DLEU7: variants seen among roughly 807,000 people sequenced by gnomAD.
DLEU7 encodes deleted in lymphocytic leukemia 7, also known as leukemia-associated protein 7.
A neutral mutation model predicts 16.0 loss-of-function variants in DLEU7; 17 were observed. The ratio of observed to expected loss-of-function variants is 1.06; its 90% CI spans 0.73 to 1.59. The LOEUF (loss-of-function observed/expected upper bound fraction) is 1.59, where lower values mean the gene tolerates loss of function less well. Among genes scored for constraint, DLEU7 ranks in the 40% most tolerant of loss-of-function variants. The pLI is 0.00. For missense variants in DLEU7, 308 were observed against 314.9 expected (o/e 0.98, Z 0.17); for synonymous variants, 113 against 139.8 (o/e 0.81, Z 1.35).
intron 1 of DLEU7, among the ~76,000 whole-genome samples, chr13:50,735,488 GA>G (rs1874039168): frequency 3.3e-5 from 5 of 151,800 alleles, no homozygotes; most frequent in Admixed American, 3.3e-4. Flanking sequence ...CAACAAGATA[GA>G]AAACCCCCAA....
intron 1 of DLEU7, chr13:50,713,307 A>G (rs752860836): frequency 2.6e-6 from 4 of 1,548,402 alleles, no homozygotes; most frequent in Non-Finnish European, 3.5e-6. Context: ...TGATTCAACA[A>G]TTATTTACTG....
At position 50,753,167 on chromosome 13, in the gene DLEU7, T is replaced by C. The variant is rs576125179; in HGVS notation, c.460-39927A>G. 9.8e-5 allele frequency among the ~76,000 whole-genome samples: 15 copies of C among 152,288 alleles called. No homozygotes were observed. The South Asian group carries it at 3.1e-3, about 32-fold the overall frequency. ...CCTTGAGCTAGATACAGAGTGCCGA[T>C]TGGTGTATTTACAATCCCTTAGCTA... On this transcript the variant is annotated intron_variant, in intron 1 of 1. Transcript: ENST00000400393.
intron 1 of DLEU7, among the ~76,000 whole-genome samples, chr13:50,802,301 A>T (rs61455461): frequency 6.6e-6 from 1 of 152,134 alleles, no homozygotes; most frequent in African/African-American, 2.4e-5. Context: ...TAAGAGAGCA[A>T]TTGGTGAAAG....
At chr13:50,752,739 G>A (rs146844447) in intron 1 of DLEU7, among the ~76,000 whole-genome samples, 4,996 of 152,108 alleles carry the variant, frequency 0.033, 170 homozygotes, top group African/African-American at 0.088. Flanking sequence ...GCAGACCTTC[G>A]TGGTGAGTGT....
Position 50,762,063 on chromosome 13 carries a change from G to A in DLEU7, c.460-48823C>T, listed in dbSNP as rs183614526. Reference sequence around the variant, plus strand: ...AAAAATTAGCCAGGCGTGGTGGTGGGCACCTGTAATCCCAGCTACTCGGGA... The same window carrying A: ...AAAAATTAGCCAGGCGTGGTGGTGGACACCTGTAATCCCAGCTACTCGGGA... On this transcript the variant is annotated intron_variant, in intron 1 of 1. Transcript: ENST00000400393. 2.5e-4 allele frequency among the ~76,000 whole-genome samples: 38 copies of A among 151,714 alleles called. No individual in the cohort carries two copies. In the East Asian group the frequency reaches 7.0e-3, roughly 28 times the overall value.
intron 1 of DLEU7, among the ~76,000 whole-genome samples, chr13:50,840,498 T>C (rs1877615607): frequency 6.6e-6 from 1 of 152,190 alleles, no homozygotes; most frequent in Non-Finnish European, 1.5e-5. Context: ...CCCTCGCTGT[T>C]CCCAGGGGCC....
Position 50,843,605 on chromosome 13 carries a change from T to C in DLEU7, c.42A>G (p.Gln14=). The change falls in exon 1 of 2, where the codon CAA becomes CAG. Residue 14 remains glutamine (Q), a synonymous_variant. Transcript: ENST00000504404. This position sits in a 1 kb window ranked among gnomAD's most constrained non-coding sequence, Gnocchi z 5.7. ...PAPLVASISH[Q]MVALQTLQLL... ...GCTGCAAGGTCTGCAGAGCCACCAT[T>C]TGGTGGCTGATGGAGGCCACTAAGG... The C allele has an allele frequency of 2.6e-6, 4 of 1,509,652 alleles. No homozygotes were observed. 93.5% of individuals were successfully genotyped at this position (1,509,652 alleles called of 1,614,324 possible). A position where few individuals can be genotyped will look rare whatever the true frequency, so the allele number is the denominator to read the frequency against.
chr13:50,810,368 A>C (rs1372195296), intron 1 of DLEU7, among the ~76,000 whole-genome samples: 1 of 152,130 alleles, frequency 6.6e-6, no homozygotes, highest in African/African-American at 2.4e-5. Flanking sequence ...CAGAGTTTCC[A>C]TCTTTTAATT....
downstream of DLEU7, among the ~76,000 whole-genome samples, chr13:50,822,451 A>C (rs1374190831): frequency 1.3e-5 from 2 of 151,968 alleles, no homozygotes; most frequent in Non-Finnish European, 2.9e-5. Context: ...ATCATTGAAC[A>C]ACAAGAAATT....
chr13:50,800,286 C>T (rs1370205483), intron 1 of DLEU7, among the ~76,000 whole-genome samples: 1 of 152,184 alleles, frequency 6.6e-6, no homozygotes, highest in Non-Finnish European at 1.5e-5. Context: ...GGCTAATGCT[C>T]AGCCCGGTTG....
At chr13:50,816,171 T>A (rs1054240466) in intron 1 of DLEU7, among the ~76,000 whole-genome samples, 2 of 152,080 alleles carry the variant, frequency 1.3e-5, no homozygotes, top group African/African-American at 4.8e-5. Context: ...ATGACTGTTC[T>A]TTTATACATA....
intron 1 of DLEU7, among the ~76,000 whole-genome samples, chr13:50,753,085 G>T (rs1304424441): frequency 6.8e-6 from 1 of 146,684 alleles, no homozygotes; most frequent in Non-Finnish European, 1.5e-5. Context: ...ACAGAGTGTC[G>T]ATTGGTGCAT....
At chr13:50,778,269 C>A (rs981276199) in intron 1 of DLEU7, among the ~76,000 whole-genome samples, 2 of 152,132 alleles carry the variant, frequency 1.3e-5, no homozygotes, top group Non-Finnish European at 1.5e-5. Flanking sequence ...AGAACTCATT[C>A]ACTATCACAA....
At chr13:50,788,745 C>A (rs926488136) in intron 1 of DLEU7, among the ~76,000 whole-genome samples, 2 of 152,182 alleles carry the variant, frequency 1.3e-5, no homozygotes, top group Non-Finnish European at 2.9e-5. Context: ...AGGAAAATCC[C>A]TCCCACAGAA....
At chr13:50,795,473 C>G (rs552172966) in intron 1 of DLEU7, among the ~76,000 whole-genome samples, 2 of 152,100 alleles carry the variant, frequency 1.3e-5, no homozygotes, top group South Asian at 4.2e-4. Context: ...AAGTTCTGTT[C>G]CCTGAGAGAG....
Position 50,797,889 on chromosome 13 carries a change from C to G in DLEU7, c.459+45299G>C, listed in dbSNP as rs530009717. On this transcript the variant is annotated intron_variant, in intron 1 of 1. Coordinates refer to the DLEU7 transcript ENST00000400393. ...AGAAATTGTAAGAACGTACTATTGT[C>G]CCCTATTGTTAGGAACATTCTTCAT... Among the ~76,000 whole-genome samples the G allele has an allele frequency of 3.5e-4, 54 of 152,296 alleles. No homozygotes were observed. In the East Asian group the frequency reaches 6.4e-3, roughly 18 times the overall value.
rs1028329375 is a variant in DLEU7 at position 50,723,738 on chromosome 13, G to T, written c.460-10498C>A. On this transcript the variant is annotated intron_variant, in intron 1 of 1. Transcript: ENST00000400393. ...GTCTAAGCCTATTTATCTCCCAAAG[G>T]CCCCATCTCCAAATTCCATCACATT... 4.6e-5 allele frequency among the ~76,000 whole-genome samples: 7 copies of T among 151,994 alleles called. No homozygotes were observed. In the East Asian group the frequency reaches 9.7e-4, roughly 21 times the overall value.
chr13:50,747,334 G>GTGT (rs1874428877), intron 1 of DLEU7, among the ~76,000 whole-genome samples: 1 of 79,010 alleles, frequency 1.3e-5, no homozygotes, highest in Non-Finnish European at 2.2e-5. Flanking sequence ...GAAAAACTCT[G>GTGT]TGTGTGTGTG....
intron 1 of DLEU7, 140 bp from the exon 2 acceptor site, chr13:50,823,660 A>T (rs1176806858): frequency 3.0e-6 from 3 of 1,013,860 alleles, no homozygotes; most frequent in Non-Finnish European, 4.2e-6. Context: ...ACTACACCCC[A>T]TTCTTAGCCT....
Sources: allele counts gnomAD v4.1 joint callset (sites outside exome capture counted in the v4.1 genomes callset), GRCh38; gene constraint gnomAD v4.1.1; non-coding constraint Gnocchi (gnomAD v3.1); transcripts MANE v1.5; gene names NCBI Gene and HGNC (gene_info 2026-07-23, HGNC 2026-07-21).